Variants in KDM4C observed in about 807,000 individuals in gnomAD.
KDM4C encodes the protein lysine demethylase 4C.
KDM4C carries 81 observed loss-of-function variants against 129.3 expected under a neutral mutation model. That is an observed-to-expected ratio of 0.63 (90% confidence interval 0.52 to 0.75). The LOEUF is 0.75. Ranked by LOEUF, KDM4C falls within the 30% of genes least tolerant of loss-of-function variation. The pLI is 0.00. For missense variants in KDM4C, 1,457 were observed against 1,304.0 expected, an observed-to-expected ratio of 1.12 and a Z score of -1.81; for synonymous variants, 573 against 456.1, an observed-to-expected ratio of 1.26 and a Z score of -3.26.
At chr9:6,854,294 C>T (rs1839364961) in intron 5 of KDM4C, among the ~76,000 whole-genome samples, 3 of 151,764 alleles carry the variant, frequency 2.0e-5, no homozygotes, top group East Asian at 1.9e-4. Flanking sequence ...TTTGGGAGGC[C>T]GAGGCGGGCG....
At chr9:6,946,225 T>A (rs981552028) in intron 8 of KDM4C, among the ~76,000 whole-genome samples, 3 of 152,174 alleles carry the variant, frequency 2.0e-5, no homozygotes, top group Admixed American at 1.3e-4. Flanking sequence ...TACTGCATTT[T>A]CTGACTTCGA....
At chr9:6,856,809 C>G (rs62535686) in intron 5 of KDM4C, among the ~76,000 whole-genome samples, 9,571 of 144,934 alleles carry the variant, frequency 0.066, 451 homozygotes, top group Non-Finnish European at 0.1. Context: ...GGACTGCGGA[C>G]TGCAGTGGCG....
At chr9:7,022,080 A>G (rs1749555309) in intron 15 of KDM4C, among the ~76,000 whole-genome samples, 1 of 152,112 alleles carries the variant, frequency 6.6e-6, no homozygotes, top group Admixed American at 6.6e-5. Context: ...ATTTTAAGTT[A>G]GGCAATATGA....
intron 17 of KDM4C, among the ~76,000 whole-genome samples, chr9:7,075,304 C>G (rs943933658): frequency 6.6e-6 from 1 of 152,180 alleles, no homozygotes; most frequent in Non-Finnish European, 1.5e-5. Context: ...CCTGTTTCAT[C>G]TTCTATGGTT....
intron 12 of KDM4C, among the ~76,000 whole-genome samples, chr9:6,999,061 C>T (rs1277315188): frequency 1.3e-5 from 2 of 152,034 alleles, no homozygotes; most frequent in African/African-American, 4.8e-5. Flanking sequence ...TGCAATTGTC[C>T]CTCAAACAAA....
chr9:7,028,446 A>C (rs1279056612), intron 15 of KDM4C, among the ~76,000 whole-genome samples: 1 of 151,682 alleles, frequency 6.6e-6, no homozygotes, highest in East Asian at 2.0e-4. Context: ...ACAGTGGGTG[A>C]GCTGGTATCC....
intron 18 of KDM4C, among the ~76,000 whole-genome samples, chr9:7,107,835 G>T (rs1037321067): frequency 2.0e-5 from 3 of 148,702 alleles, no homozygotes; most frequent in Non-Finnish European, 3.0e-5. Flanking sequence ...TAGGTCATAA[G>T]GACAGAAAGT....
intron 5 of KDM4C, among the ~76,000 whole-genome samples, chr9:6,851,912 C>T (rs1260655103): frequency 2.6e-5 from 4 of 152,114 alleles, no homozygotes; most frequent in African/African-American, 7.2e-5. Flanking sequence ...TGTATATGTG[C>T]AGTAGTTAAT....
chr9:6,733,444 A>G (rs1426589058), intron 1 of KDM4C, among the ~76,000 whole-genome samples: 1 of 152,190 alleles, frequency 6.6e-6, no homozygotes, highest in Non-Finnish European at 1.5e-5. Context: ...CATCTCAGCA[A>G]GTGTGACCCT....
chr9:7,036,954 G>C (rs996381950), intron 15 of KDM4C, among the ~76,000 whole-genome samples: 1 of 152,116 alleles, frequency 6.6e-6, no homozygotes, highest in Non-Finnish European at 1.5e-5. Flanking sequence ...CAAATTTGTG[G>C]AATTTCCATT....
At chr9:7,146,812 G>C (rs1391470388) in intron 19 of KDM4C, among the ~76,000 whole-genome samples, 1 of 152,184 alleles carries the variant, frequency 6.6e-6, no homozygotes, top group African/African-American at 2.4e-5. Context: ...CTACCAGGCT[G>C]TTTCAGATTC....
intron 17 of KDM4C, among the ~76,000 whole-genome samples, chr9:7,095,970 A>G (rs58724848): frequency 0.029 from 4,384 of 152,308 alleles, 172 homozygotes; most frequent in African/African-American, 0.1. Flanking sequence ...TAAAAATGCA[A>G]ATACAGAAGT....
chr9:7,084,036 C>G (rs1166095148), intron 17 of KDM4C, among the ~76,000 whole-genome samples: 1 of 152,104 alleles, frequency 6.6e-6, no homozygotes, highest in Non-Finnish European at 1.5e-5. Context: ...GCAGTCAAGG[C>G]TCTGGGTAAC....
At chr9:6,963,028 G>A (rs1830284830) in intron 8 of KDM4C, among the ~76,000 whole-genome samples, 1 of 152,148 alleles carries the variant, frequency 6.6e-6, no homozygotes, top group African/African-American at 2.4e-5. Context: ...CAGGCTTCTT[G>A]GGTTTGAATC....
intron 1 of KDM4C, among the ~76,000 whole-genome samples, chr9:6,743,511 C>CT (rs765932331): frequency 0.011 from 1,590 of 142,508 alleles, 11 homozygotes; most frequent in South Asian, 0.015. Flanking sequence ...TTTCTGCTTC[C>CT]TTTTTTTTTT....
intron 9 of KDM4C, among the ~76,000 whole-genome samples, chr9:6,983,224 T>G (rs1300874191): frequency 6.6e-6 from 1 of 152,168 alleles, no homozygotes; most frequent in African/African-American, 2.4e-5. Context: ...CAGTGCTTAG[T>G]CCTGTGGTGG....
rs1554701674 is a variant in KDM4C at position 6,817,208 on chromosome 9, C to CT, written c.435+2476dup. 3.1e-3 allele frequency among the ~76,000 whole-genome samples: 292 copies of CT among 94,892 alleles called. 1 individual carries two copies. The highest frequency in any genetic ancestry group is 6.3e-3 in the African/African-American group (163 of 26,054). The allele number at this position is 94,892 out of a possible 152,430, so 62.3% of individuals were successfully genotyped here. A position where few individuals can be genotyped will look rare whatever the true frequency, so the allele number is the denominator to read the frequency against. On this transcript the variant is annotated intron_variant, in intron 4 of 21. Transcript: ENST00000381309. ...GCCCCTCCCCCTGCCCCCCCCCCCA[C>CT]TTTTTTTTTTTTTGAGACAGTCTTG... is the stretch of plus-strand genomic sequence containing the variant.
At chr9:6,837,417 T>C (rs1335434206) in intron 4 of KDM4C, among the ~76,000 whole-genome samples, 2 of 152,184 alleles carry the variant, frequency 1.3e-5, no homozygotes, top group South Asian at 2.1e-4. Flanking sequence ...AATTCACCCA[T>C]TTTAAGTGTA....
chr9:6,868,315 A>G (rs560477234), intron 5 of KDM4C, among the ~76,000 whole-genome samples: 37 of 152,260 alleles, frequency 2.4e-4, no homozygotes, highest in African/African-American at 8.7e-4. Flanking sequence ...ACTTGAGGAA[A>G]ATATCCTCAC....
Sources: gnomAD v4.1 joint callset for allele counts (sites outside exome capture counted in the v4.1 genomes callset) on GRCh38, gnomAD v4.1.1 for gene constraint, MANE v1.5 for transcripts, NCBI Gene and HGNC (gene_info 2026-07-23, HGNC 2026-07-21) for gene names.